The following ADCY7 variants were observed in gnomAD, a reference collection of about 807,000 sequenced individuals.
ADCY7 encodes adenylate cyclase type 7.
A neutral mutation model predicts 120.6 loss-of-function variants in ADCY7; 72 were observed. The observed-to-expected ratio is 0.60, with a 90% CI of 0.49 to 0.73. The LOEUF (loss-of-function observed/expected upper bound fraction) is 0.73, where lower values mean the gene tolerates loss of function less well. Among genes scored for constraint, ADCY7 ranks in the 30% least tolerant of loss-of-function variants. The probability of loss-of-function intolerance (pLI) is 0.00; values close to 1 mark genes in which losing one functional copy is unlikely to be tolerated. For synonymous variants in ADCY7, 661 were observed against 628.0 expected (o/e 1.05, Z -0.78); for missense variants, 1,227 against 1,486.0 (o/e 0.83, Z 2.87).
chr16:50,309,762 G>C, intron 18 of ADCY7, 116 bp downstream of exon 18: 1 of 914,380 alleles, frequency 1.1e-6, no homozygotes, highest in African/African-American at 1.7e-5. Flanking sequence ...AGCATGTGGA[G>C]GCTGAGAACA....
chr16:50,276,966 A>G (rs916966647), intron 1 of ADCY7, among the ~76,000 whole-genome samples: 2 of 151,842 alleles, frequency 1.3e-5, no homozygotes, highest in Non-Finnish European at 2.9e-5. Flanking sequence ...TTTTAGTCAC[A>G]TAAGCAACAC....
At chr16:50,280,717 C>T (rs2034205943) in intron 1 of ADCY7, among the ~76,000 whole-genome samples, 1 of 152,176 alleles carries the variant, frequency 6.6e-6, no homozygotes, top group Admixed American at 6.5e-5. Context: ...CTCCAGTTGC[C>T]TATCCTTTTC....
intron 22 of ADCY7, chr16:50,313,326 A>G: frequency 6.6e-6 from 2 of 302,280 alleles, no homozygotes; most frequent in Non-Finnish European, 1.3e-5. Context: ...AGGCTGAGGC[A>G]GGAGAATCGC....
chr16:50,309,720 C>T (rs1214571589), intron 18 of ADCY7, 74 bp downstream of exon 18: 1 of 1,335,264 alleles, frequency 7.5e-7, no homozygotes, highest in Non-Finnish European at 1.0e-6. Flanking sequence ...AGTTTGGACC[C>T]TCAAAGCATG....
chr16:50,262,022 C>G (rs948135802), upstream of ADCY7, among the ~76,000 whole-genome samples: 3 of 152,138 alleles, frequency 2.0e-5, no homozygotes, highest in East Asian at 5.8e-4. Flanking sequence ...AGTAAGGGCT[C>G]GACATCTAGG....
At chr16:50,303,846 C>T (rs1430847802) in intron 10 of ADCY7, among the ~76,000 whole-genome samples, 5 of 152,180 alleles carry the variant, frequency 3.3e-5, no homozygotes, top group Admixed American at 1.3e-4. Flanking sequence ...ACCCCTCTTC[C>T]TCCTGGCTGC....
chr16:50,293,108 C>CT (rs2035100878), intron 5 of ADCY7, among the ~76,000 whole-genome samples: 1 of 152,194 alleles, frequency 6.6e-6, no homozygotes. Flanking sequence ...GCCTCCCCAG[C>CT]TGAAAGAGCC....
At chr16:50,293,945 C>T (rs932146337) in intron 6 of ADCY7, among the ~76,000 whole-genome samples, 11 of 152,168 alleles carry the variant, frequency 7.2e-5, no homozygotes, top group Admixed American at 1.3e-4. Flanking sequence ...AATGCACTGA[C>T]CTGAGTTTGT....
rs146806966 is a variant in ADCY7 at position 50,286,654 on chromosome 16, T to C, written c.-268-1258T>C. Among the ~76,000 whole-genome samples the C allele has an allele frequency of 4.4e-3, 673 of 151,688 alleles. 3 individuals are homozygous for C. Among genetic ancestry groups the C allele is most frequent in the Non-Finnish European group, 6.7e-3 (457 of 67,898 alleles). ...TGGAGGCATGAGACTCACTGGAAAATGAAGTGAATGTGGTGATTGCACCAG... is the reference window on the plus strand; with the variant it reads ...TGGAGGCATGAGACTCACTGGAAAACGAAGTGAATGTGGTGATTGCACCAG... On this transcript the variant is annotated intron_variant, in intron 1 of 25. Coordinates refer to ENST00000673801, the MANE Select transcript of ADCY7 (RefSeq NM_001114.5).
At chr16:50,262,383 G>A (rs915759984), upstream of ADCY7, among the ~76,000 whole-genome samples, 4 of 151,344 alleles carry the variant, frequency 2.6e-5, no homozygotes, top group Non-Finnish European at 1.5e-5. Context: ...TCAGCCTCCC[G>A]AGTAGCTGGG....
chr16:50,311,178 G>A (rs1359709481), intron 19 of ADCY7, among the ~76,000 whole-genome samples: 3 of 152,184 alleles, frequency 2.0e-5, no homozygotes, highest in Non-Finnish European at 1.5e-5. Flanking sequence ...CTCGAGTTCT[G>A]GAAGGAGCAG....
rs1820800870 is a variant in ADCY7 at position 50,315,127 on chromosome 16, G to A, written c.3085G>A (p.Gly1029Arg). ...CCGAATGGAAAGCACTGGAGAACTT[G>A]GGAAAATCCAGGTAAAGACCTATTG... Reference protein sequence around the residue: ...ASRMESTGELGKIQVTEETCT... With the variant: ...ASRMESTGELRKIQVTEETCT... The change falls in exon 25 of 26, where the codon GGG becomes AGG. Residue 1029 changes from glycine (G) to arginine (R), a missense_variant. Coordinates refer to ENST00000673801, the MANE Select transcript of ADCY7 (RefSeq NM_001114.5). 1 of 1,614,144 alleles carries A rather than the reference G, an allele frequency of 6.2e-7. No homozygotes were observed. The highest frequency in any genetic ancestry group is 8.5e-7 in the Non-Finnish European group (1 of 1,180,004).
At position 50,297,494 on chromosome 16, in the gene ADCY7, G is replaced by C. The variant is rs1373832885; in HGVS notation, c.949-1410G>C. Among the ~76,000 whole-genome samples the C allele has an allele frequency of 2.6e-5, 4 of 152,218 alleles. No individual in the cohort carries two copies. Among genetic ancestry groups the C allele is most frequent in the Admixed American group, 2.6e-4 (4 of 15,284 alleles). Reference sequence around the variant, plus strand: ...CCAAGATTGCCTGCTTTCTAGGAAAGCCACTGTCCTCTTGTCCTTGCAGTC... The same window carrying C: ...CCAAGATTGCCTGCTTTCTAGGAAACCCACTGTCCTCTTGTCCTTGCAGTC... On this transcript the variant is annotated intron_variant, in intron 7 of 25. Coordinates refer to ENST00000673801, the MANE Select transcript of ADCY7 (RefSeq NM_001114.5). The surrounding 1 kb of genome is among the most constrained non-coding windows in gnomAD (Gnocchi z 4.4).
At position 50,290,614 on chromosome 16, in the gene ADCY7, T is replaced by C. The variant is rs750819186; in HGVS notation, c.329T>C (p.Val110Ala). The change falls in exon 3 of 26, where the codon GTG (valine) becomes GCG (alanine). Residue 110 changes from valine (V) to alanine (A), a missense_variant. By Grantham distance (64) the Val-to-Ala change is moderately conservative. Coordinates refer to ENST00000673801, the MANE Select transcript of ADCY7 (RefSeq NM_001114.5). ...GCCTGCTTGGTGGCGCTGGGCTATG[T>C]GCTGGTGTTCGACGCATGGACAAAG... ...TWACLVALGY[V>A]LVFDAWTKAA... 1 of 1,614,122 alleles carries C rather than the reference T, an allele frequency of 6.2e-7. No homozygotes were observed. Among genetic ancestry groups the C allele is most frequent in the South Asian group, 1.1e-5 (1 of 91,072 alleles).
intron 10 of ADCY7, chr16:50,301,549 C>T (rs372809807): frequency 2.7e-5 from 7 of 260,066 alleles, no homozygotes; most frequent in African/African-American, 1.1e-4. Flanking sequence ...GGTTATTAAT[C>T]TCCCAGATTT....
At chr16:50,245,303 C>A (rs956387218), upstream of ADCY7, among the ~76,000 whole-genome samples, 1 of 152,144 alleles carries the variant, frequency 6.6e-6, no homozygotes, top group Non-Finnish European at 1.5e-5. Context: ...TTCTGTAACC[C>A]CTCTCAGTGA....
In ADCY7 at chr16:50,305,822, C is replaced by G. The variant is rs775818943; in HGVS notation, c.1725C>G (p.Ile575Met). ...KSDDFYTFGS[I>M]FLEKGFEREY... is the part of the protein sequence containing the mutation. ...ATGACTTCTACACCTTTGGGTCCAT[C>G]TTCCTGGAGAAGGGCTTTGAGCGCG... Residue 575 changes from isoleucine (I) to methionine (M), a missense_variant, in exon 14 of 26, where the codon ATC (isoleucine) becomes ATG (methionine). Ile to Met is a conservative substitution (Grantham distance 10). Transcript: ENST00000673801. The G allele has an allele frequency of 3.1e-6, 5 of 1,613,970 alleles. No individual in the cohort carries two copies. In the Admixed American group the frequency reaches 8.3e-5, roughly 27 times the overall value.
Position 50,269,177 on chromosome 16 carries a change from G to A in ADCY7, c.-269+2497G>A, listed in dbSNP as rs537902182. Among the ~76,000 whole-genome samples the A allele has an allele frequency of 4.8e-4, 73 of 152,306 alleles. No homozygotes were observed. In the South Asian group the frequency reaches 0.013, roughly 28 times the overall value. On this transcript the variant is annotated intron_variant, in intron 1 of 25. Transcript: ENST00000673801. ...TCCACCGCTCCATATGGTAGGTGCC[G>A]TTCACCTCCAGTTTACAGAGGAGAC...
At chr16:50,257,597 AAAATT>A (rs2032951103) in intron 1 of ADCY7, among the ~76,000 whole-genome samples, 1 of 152,130 alleles carries the variant, frequency 6.6e-6, no homozygotes, top group South Asian at 2.1e-4. Context: ...AATTTACAAT[AAAATT>A]AAAAAAACAA....
Sources: allele counts gnomAD v4.1 joint callset (sites outside exome capture counted in the v4.1 genomes callset), GRCh38; gene constraint gnomAD v4.1.1; non-coding constraint Gnocchi (gnomAD v3.1); transcripts MANE v1.5; gene names NCBI Gene and HGNC (gene_info 2026-07-23, HGNC 2026-07-21).